UBN2: variants seen among roughly 807,000 people sequenced by gnomAD.
UBN2 encodes the protein ubinuclein 2, also known as ubinuclein-2.
UBN2 carries 35 observed loss-of-function variants against 120.2 expected under a neutral mutation model. The observed-to-expected ratio is 0.29, with a 90% CI of 0.22 to 0.39. The LOEUF is 0.39. Ranked by LOEUF, UBN2 falls within the 10% of genes least tolerant of loss-of-function variation. UBN2 has a pLI of 1.00. For missense variants in UBN2, 1,693 were observed against 1,663.2 expected (o/e 1.02, Z -0.31); for synonymous variants, 661 against 648.7 (o/e 1.02, Z -0.29).
Position 139,261,560 on chromosome 7 carries a change from A to G in UBN2, c.1214A>G (p.Asp405Gly), listed in dbSNP as rs147821512. The G allele has an allele frequency of 5.0e-6, 8 of 1,614,190 alleles. No individual in the cohort carries two copies. The African/African-American group carries it at 1.1e-4, about 22-fold the overall frequency. The change falls in exon 6 of 18, where the codon GAT becomes GGT. Residue 405 changes from aspartate (D) to glycine (G), a missense_variant. This residue lies in a region of UBN2 where 663 missense variants were observed against 591.2 expected (regional missense o/e 1.12). Coordinates refer to ENST00000473989, the MANE Select transcript of UBN2 (RefSeq NM_173569.4). The stretch of plus-strand genomic sequence containing the variant: ...GAAAATGCCCTAGAGATGCTAGATG[A>G]TTTTGACTTCGACAGATTACTGGAT... ...EAENALEMLD[D>G]FDFDRLLDAA...
intron 14 of UBN2, 144 bp from the exon 15 acceptor site, chr7:139,282,880 A>T (rs1209142892): frequency 1.3e-6 from 1 of 766,580 alleles, no homozygotes; most frequent in Non-Finnish European, 2.0e-6. Context: ...TCATCTCAAA[A>T]ATTATTTTTG....
intron 17 of UBN2, among the ~76,000 whole-genome samples, 167 bp downstream of exon 17, chr7:139,294,148 GA>G (rs1250488403): frequency 3.3e-5 from 5 of 152,336 alleles, no homozygotes; most frequent in Non-Finnish European, 7.3e-5. Context: ...TAAGAGGAAG[GA>G]AATAGGTAGA....
intron 15 of UBN2, among the ~76,000 whole-genome samples, chr7:139,285,229 G>C (rs541522835): frequency 6.6e-6 from 1 of 152,044 alleles, no homozygotes; most frequent in African/African-American, 2.4e-5. Context: ...AAGGGTAGCC[G>C]GGCATGGTGG....
the UBN2 span, among the ~76,000 whole-genome samples, chr7:139,319,901 C>A: frequency 6.6e-6 from 1 of 151,816 alleles, no homozygotes; most frequent in Non-Finnish European, 1.5e-5. Flanking sequence ...ATGGTGAAAC[C>A]CCGTCTCTAC....
chr7:139,249,865 AT>A (rs1796572837), intron 2 of UBN2, among the ~76,000 whole-genome samples: 1 of 151,718 alleles, frequency 6.6e-6, no homozygotes, highest in Non-Finnish European at 1.5e-5. Context: ...TGCCTGGCTA[AT>A]TAAAAAAAAA....
At chr7:139,286,821 A>G (rs953401261) in intron 15 of UBN2, among the ~76,000 whole-genome samples, 5 of 152,194 alleles carry the variant, frequency 3.3e-5, no homozygotes, top group African/African-American at 9.7e-5. Context: ...CTGTATGTCA[A>G]GGTTTCCTGC....
the UBN2 span, among the ~76,000 whole-genome samples, chr7:139,322,260 CACCAT>C: frequency 6.6e-6 from 1 of 152,134 alleles, no homozygotes; most frequent in Non-Finnish European, 1.5e-5. Flanking sequence ...AGGCATGAGC[CACCAT>C]GCACAGCGGA....
At chr7:139,273,120 ATTTACCAAACTAC>A (rs1797337494) in intron 9 of UBN2, among the ~76,000 whole-genome samples, 164 bp from the exon 10 acceptor site, 1 of 152,192 alleles carries the variant, frequency 6.6e-6, no homozygotes, top group Non-Finnish European at 1.5e-5. Flanking sequence ...TGAAGTCCTT[ATTTACCAAACTAC>A]TTTATAACTC....
intron 15 of UBN2, among the ~76,000 whole-genome samples, chr7:139,291,109 C>T (rs146664038): frequency 0.011 from 1,738 of 152,086 alleles, 40 homozygotes; most frequent in African/African-American, 0.04. Flanking sequence ...GCATGTAATC[C>T]CAGCACTTTG....
In UBN2 at chr7:139,231,334, G is replaced by T; in HGVS notation, c.-151G>T. On this transcript the variant is annotated 5_prime_UTR_variant, in exon 1 of 18. Coordinates refer to ENST00000473989, the MANE Select transcript of UBN2 (RefSeq NM_173569.4). ...AACGTAGTAGCGGGGAAGGGGACAC[G>T]GTCCGCACTCACCGTGGCGCCGGCG... The T allele has an allele frequency of 3.4e-6, 2 of 591,162 alleles. No homozygotes were observed. The highest frequency in any genetic ancestry group is 5.0e-6 in the Non-Finnish European group (2 of 401,774). The allele number at this position is 591,162 out of a possible 1,614,324, so 36.6% of individuals were successfully genotyped here. A position where few individuals can be genotyped will look rare whatever the true frequency, so the allele number is the denominator to read the frequency against.
chr7:139,320,075 CAAA>C, the UBN2 span, among the ~76,000 whole-genome samples: 1 of 130,696 alleles, frequency 7.7e-6, no homozygotes, highest in Non-Finnish European at 1.6e-5. Context: ...GACTCCGTCT[CAAA>C]AAAAAAAAAG....
At chr7:139,319,876 A>G in the UBN2 span, among the ~76,000 whole-genome samples, 2 of 152,094 alleles carry the variant, frequency 1.3e-5, no homozygotes, top group African/African-American at 4.8e-5. Flanking sequence ...GGAGATGGCG[A>G]CCATCCTGGC....
intron 17 of UBN2, among the ~76,000 whole-genome samples, chr7:139,295,148 C>T (rs1798073571): frequency 6.6e-6 from 1 of 150,548 alleles, no homozygotes; most frequent in Non-Finnish European, 1.5e-5. Context: ...TTACCATTAA[C>T]CACAGTGCAG....
At chr7:139,242,804 T>G (rs1195087094) in intron 2 of UBN2, among the ~76,000 whole-genome samples, 2 of 152,306 alleles carry the variant, frequency 1.3e-5, no homozygotes, top group East Asian at 3.9e-4. Flanking sequence ...GTGTATACTA[T>G]TTTTGTGCTG....
Position 139,300,620 on chromosome 7 carries a change from A to G in UBN2, c.*2784A>G, listed in dbSNP as rs189421167. On this transcript the variant is annotated 3_prime_UTR_variant, in exon 18 of 18. Coordinates refer to ENST00000473989, the MANE Select transcript of UBN2 (RefSeq NM_173569.4). ...AGAGCAACGTGTATTTCTGAAGAGC[A>G]TTAGCAACATCCAAATGCAAAAATA... 1 of 152,384 alleles carries G rather than the reference A, an allele frequency of 6.6e-6. No individual in the cohort carries two copies. Among genetic ancestry groups the G allele is most frequent in the African/African-American group, 2.4e-5 (1 of 41,592 alleles). The allele number at this position is 152,384 out of a possible 1,614,324, so 9.4% of individuals were successfully genotyped here.
At chr7:139,310,722 G>A (rs536133323), downstream of UBN2, among the ~76,000 whole-genome samples, 24 of 152,178 alleles carry the variant, frequency 1.6e-4, no homozygotes, top group African/African-American at 2.9e-4. Flanking sequence ...GCAGTGAGCC[G>A]AGATCGTGCT....
At chr7:139,289,572 C>T (rs1237443057) in intron 15 of UBN2, among the ~76,000 whole-genome samples, 1 of 151,742 alleles carries the variant, frequency 6.6e-6, no homozygotes, top group East Asian at 1.9e-4. Flanking sequence ...CCACCATGCC[C>T]AGCTAATTTT....
intron 6 of UBN2, among the ~76,000 whole-genome samples, chr7:139,262,271 T>C (rs927649058): frequency 2.0e-5 from 3 of 152,050 alleles, no homozygotes; most frequent in African/African-American, 7.2e-5. Flanking sequence ...GGCTAATTTT[T>C]GTATGCTTAG....
intron 6 of UBN2, 75 bp from the exon 7 acceptor site, chr7:139,266,253 ACCTTT>A: frequency 1.0e-5 from 9 of 895,320 alleles, no homozygotes; most frequent in East Asian, 2.6e-5. Context: ...AAAGAAAAAA[ACCTTT>A]GAACACGTGT....
Sources: allele counts gnomAD v4.1 joint callset (sites outside exome capture counted in the v4.1 genomes callset), GRCh38; gene constraint gnomAD v4.1.1; regional missense constraint gnomAD v4.1.1; transcripts MANE v1.5; gene names NCBI Gene and HGNC (gene_info 2026-07-23, HGNC 2026-07-21).